FBXO22: variants seen among roughly 807,000 people sequenced by gnomAD.
FBXO22 encodes the protein F-box only protein 22.
Under a neutral mutation model 37.2 loss-of-function variants are expected in FBXO22, and 13 were observed. The ratio of observed to expected loss-of-function variants is 0.35; its 90% CI spans 0.23 to 0.56. The LOEUF is 0.56. Among genes scored for constraint, FBXO22 ranks in the 20% least tolerant of loss-of-function variants. The pLI is 0.87. For missense variants in FBXO22, 446 were observed against 509.9 expected (o/e 0.87, Z 1.21); for synonymous variants, 189 against 189.1 (o/e 1.00, Z 0.00).
rs1348894972 is a variant in FBXO22, at chr15:75,939,118, T to C, written c.*6016T>C. 5 of 151,796 alleles carry C rather than the reference T, an allele frequency of 3.3e-5. No homozygotes were observed. Among genetic ancestry groups the C allele is most frequent in the African/African-American group, 1.2e-4 (5 of 41,338 alleles). 9.4% of individuals were successfully genotyped at this position (151,796 alleles called of 1,614,324 possible). A position where few individuals can be genotyped will look rare whatever the true frequency, so the allele number is the denominator to read the frequency against. ...TAAAGATTAGAACAGATATAATAAA[T>C]TGAATAAAGATTAGAAACACTAGAG... is the stretch of plus-strand genomic sequence containing the variant. On this transcript the variant is annotated 3_prime_UTR_variant, in exon 7 of 7. Coordinates refer to ENST00000308275, the MANE Select transcript of FBXO22 (RefSeq NM_147188.3).
intron 4 of FBXO22, 106 bp from the exon 5 acceptor site, chr15:75,917,124 T>C (rs1900208728): frequency 1.2e-6 from 1 of 807,044 alleles, no homozygotes; most frequent in Admixed American, 2.8e-5. Context: ...GAAAAACTTT[T>C]ACTCAGATAG....
chr15:75,906,401 AC>A (rs1020277857), intron 2 of FBXO22, among the ~76,000 whole-genome samples: 1 of 152,168 alleles, frequency 6.6e-6, no homozygotes, highest in Non-Finnish European at 1.5e-5. Flanking sequence ...GTATGTATAT[AC>A]ATTAGTATAT....
At chr15:75,911,248 C>G (rs1367552999) in intron 2 of FBXO22, among the ~76,000 whole-genome samples, 2 of 152,162 alleles carry the variant, frequency 1.3e-5, no homozygotes, top group African/African-American at 4.8e-5. Context: ...GCTATACAGG[C>G]TCTTTATTGG....
chr15:75,930,332 C>T, intron 6 of FBXO22: 1 of 1,328,504 alleles, frequency 7.5e-7, no homozygotes, highest in Middle Eastern at 3.0e-4. Flanking sequence ...AGATGTGGTA[C>T]TCTGTGTGAC....
At position 75,940,893 on chromosome 15, in the gene FBXO22, T is replaced by A. The variant is rs1216261287; in HGVS notation, c.*7791T>A. 5 of 152,132 alleles carry A rather than the reference T, an allele frequency of 3.3e-5. No homozygotes were observed. Among genetic ancestry groups the A allele is most frequent in the African/African-American group, 1.2e-4 (5 of 41,424 alleles). 9.4% of individuals were successfully genotyped at this position (152,132 alleles called of 1,614,324 possible). Reference sequence around the variant, plus strand: ...AAAACTCTTAGGATGTGGCAGTGGTTTCTTGGATATGACACCAAATTCACA... The same window carrying A: ...AAAACTCTTAGGATGTGGCAGTGGTATCTTGGATATGACACCAAATTCACA... On this transcript the variant is annotated 3_prime_UTR_variant, in exon 7 of 7. Transcript: ENST00000308275.
chr15:75,913,717 G>A (rs1900121392), intron 3 of FBXO22, among the ~76,000 whole-genome samples: 1 of 152,198 alleles, frequency 6.6e-6, no homozygotes, highest in Non-Finnish European at 1.5e-5. Context: ...CAGGTCCCAA[G>A]TTAGACTTAG....
At position 75,941,285 on chromosome 15, in the gene FBXO22, G is replaced by A. The variant is rs146614515; in HGVS notation, c.*8183G>A. On this transcript the variant is annotated 3_prime_UTR_variant, in exon 7 of 7. Coordinates refer to ENST00000308275, the MANE Select transcript of FBXO22 (RefSeq NM_147188.3). ...TTATTAAAATTAAAAAAACACACAA[G>A]TGTTGGCAAGGATGTGGAGAAATTG... 3.9e-5 allele frequency: 6 copies of A among 152,106 alleles called. No homozygotes were observed. The highest frequency in any genetic ancestry group is 1.4e-4 in the African/African-American group (6 of 41,428). The allele number at this position is 152,106 out of a possible 1,614,324, so 9.4% of individuals were successfully genotyped here.
chr15:75,932,115 C>T (rs1201749327), intron 6 of FBXO22, among the ~76,000 whole-genome samples: 1 of 152,104 alleles, frequency 6.6e-6, no homozygotes, highest in Non-Finnish European at 1.5e-5. Context: ...TTGAGAGACT[C>T]AGGCAGGAGG....
chr15:75,913,333 TGTGCCTTCC>T, intron 3 of FBXO22, 43 bp downstream of exon 3: 1 of 1,365,538 alleles, frequency 7.3e-7, no homozygotes, highest in Non-Finnish European at 1.0e-6. Flanking sequence ...TTTTTTATCA[TGTGCCTTCC>T]GTTCGGAGTT....
At position 75,917,303 on chromosome 15, in the gene FBXO22, C is replaced by G. The variant is rs568747383; in HGVS notation, c.537C>G (p.Phe179Leu). ...EIGESGFALL[F>L]PQIEGIKIQP... is the part of the protein sequence containing the mutation. ...GAGAATCTGGTTTTGCTTTATTATT[C>G]CCTCAAATTGAAGGAATAAAAATAC... The change falls in exon 5 of 7, where the codon TTC becomes TTG. Residue 179 changes from phenylalanine (F) to leucine (L), a missense_variant. By Grantham distance (22) the Phe-to-Leu change is conservative (BLOSUM62 0). This residue lies in a region of FBXO22 where 315 missense variants were observed against 410.1 expected (regional missense o/e 0.77). Coordinates refer to ENST00000308275, the MANE Select transcript of FBXO22 (RefSeq NM_147188.3). 6 of 1,610,984 alleles carry G rather than the reference C, an allele frequency of 3.7e-6. No individual in the cohort carries two copies. In the South Asian group the frequency reaches 5.5e-5, roughly 15 times the overall value.
At chr15:75,911,836 T>A (rs1338755802) in intron 2 of FBXO22, among the ~76,000 whole-genome samples, 1 of 150,234 alleles carries the variant, frequency 6.7e-6, no homozygotes, top group East Asian at 2.0e-4. Context: ...ATCTTTGTCT[T>A]GTGCCAGTTT....
rs1230454518 is a variant in FBXO22, at chr15:75,941,657, A to G, written c.*8555A>G. 1 of 152,212 alleles carries G rather than the reference A, an allele frequency of 6.6e-6. No homozygotes were observed. Among genetic ancestry groups the G allele is most frequent in the Non-Finnish European group, 1.5e-5 (1 of 68,012 alleles). 9.4% of individuals were successfully genotyped at this position (152,212 alleles called of 1,614,324 possible). A position where few individuals can be genotyped will look rare whatever the true frequency, so the allele number is the denominator to read the frequency against. ...TTTCAGACATTAAGTAAATCACAAA[A>G]GGACAATACTATATGAATCCACTGA... On this transcript the variant is annotated 3_prime_UTR_variant, in exon 7 of 7. Transcript: ENST00000308275.
At chr15:75,929,212 A>C (rs138588233) in intron 5 of FBXO22, among the ~76,000 whole-genome samples, 6 of 151,828 alleles carry the variant, frequency 4.0e-5, no homozygotes, top group African/African-American at 1.2e-4. Flanking sequence ...TACATCTTTC[A>C]TTATGAGGAC....
chr15:75,910,754 G>A (rs1395209743), intron 2 of FBXO22, among the ~76,000 whole-genome samples: 1 of 152,156 alleles, frequency 6.6e-6, no homozygotes, highest in Non-Finnish European at 1.5e-5. Flanking sequence ...CTGTGTAGAA[G>A]CTCTTTAGTT....
At position 75,903,904 on chromosome 15, in the gene FBXO22, G is replaced by C. The variant is rs1273894451; in HGVS notation, c.-60G>C. Reference sequence around the variant, plus strand: ...GTGCGCGCCGGCCGGGCAACCCTATGCTGGCGTAATCGGGTTCCTCCGAGC... The same window carrying C: ...GTGCGCGCCGGCCGGGCAACCCTATCCTGGCGTAATCGGGTTCCTCCGAGC... On this transcript the variant is annotated 5_prime_UTR_variant, in exon 1 of 7. It removes an upstream start codon present in the reference 5' UTR. Transcript: ENST00000308275. 1.4e-6 allele frequency: 2 copies of C among 1,437,346 alleles called. No individual in the cohort carries two copies. The highest frequency in any genetic ancestry group is 2.6e-5 in the East Asian group (1 of 38,400). The allele number at this position is 1,437,346 out of a possible 1,614,324, so 89.0% of individuals were successfully genotyped here.
At chr15:75,922,036 CAATTAA>C (rs1423134990) in intron 5 of FBXO22, among the ~76,000 whole-genome samples, 1 of 151,390 alleles carries the variant, frequency 6.6e-6, no homozygotes, top group African/African-American at 2.4e-5. Context: ...TCTAAAATTA[CAATTAA>C]AAGTATAGGA....
At position 75,935,740 on chromosome 15, in the gene FBXO22, A is replaced by C. The variant is rs976394563; in HGVS notation, c.*2638A>C. 1.9e-4 allele frequency: 29 copies of C among 152,080 alleles called. No individual in the cohort carries two copies. The highest frequency in any genetic ancestry group is 6.8e-4 in the African/African-American group (28 of 41,380). 9.4% of individuals were successfully genotyped at this position (152,080 alleles called of 1,614,324 possible). A position where few individuals can be genotyped will look rare whatever the true frequency, so the allele number is the denominator to read the frequency against. On this transcript the variant is annotated 3_prime_UTR_variant, in exon 7 of 7. Transcript: ENST00000308275. ...ACTGGTTTATATTGCAAATTTAACA[A>C]AGTGAACATGCAAAGAATTACAATA...
Position 75,941,903 on chromosome 15 carries a change from C to CT in FBXO22, c.*8803dup, listed in dbSNP as rs756435110. ...ACTTCAAAATGGTTAAAATTTAAAT[C>CT]TTACGTACATTTTGCCACAGTAAAT... On this transcript the variant is annotated 3_prime_UTR_variant, in exon 7 of 7. Coordinates refer to ENST00000308275, the MANE Select transcript of FBXO22 (RefSeq NM_147188.3). 8.4e-6 allele frequency: 1 copy of CT among 118,474 alleles called. No homozygotes were observed. Among genetic ancestry groups the CT allele is most frequent in the Non-Finnish European group, 1.6e-5 (1 of 61,580 alleles). 7.3% of individuals were successfully genotyped at this position (118,474 alleles called of 1,614,324 possible).
At position 75,903,910 on chromosome 15, in the gene FBXO22, G is replaced by T; in HGVS notation, c.-54G>T. 3.5e-6 allele frequency: 5 copies of T among 1,449,014 alleles called. No individual in the cohort carries two copies. The highest frequency in any genetic ancestry group is 4.6e-6 in the Non-Finnish European group (5 of 1,096,564). 89.8% of individuals were successfully genotyped at this position (1,449,014 alleles called of 1,614,324 possible). A position where few individuals can be genotyped will look rare whatever the true frequency, so the allele number is the denominator to read the frequency against. ...GCCGGCCGGGCAACCCTATGCTGGC[G>T]TAATCGGGTTCCTCCGAGCCGCCGT... On this transcript the variant is annotated 5_prime_UTR_variant, in exon 1 of 7. Coordinates refer to ENST00000308275, the MANE Select transcript of FBXO22 (RefSeq NM_147188.3).
Sources: allele counts gnomAD v4.1 joint callset (sites outside exome capture counted in the v4.1 genomes callset), GRCh38; gene constraint gnomAD v4.1.1; regional missense constraint gnomAD v4.1.1; transcripts MANE v1.5; gene names NCBI Gene and HGNC (gene_info 2026-07-23, HGNC 2026-07-21).